The following AGBL4 variants were observed in gnomAD, a reference collection of about 807,000 sequenced individuals.
AGBL4 encodes the protein cytosolic carboxypeptidase 6.
A neutral mutation model predicts 66.4 loss-of-function variants in AGBL4; 58 were observed. The ratio of observed to expected loss-of-function variants is 0.87; its 90% CI spans 0.71 to 1.09. AGBL4 has a LOEUF of 1.09. AGBL4 is among the 50% of genes least tolerant of loss of function. The pLI is 0.00. For missense variants in AGBL4, 579 were observed against 631.0 expected (o/e 0.92, Z 0.88); for synonymous variants, 234 against 222.9 (o/e 1.05, Z -0.44).
intron 3 of AGBL4, among the ~76,000 whole-genome samples, chr1:49,617,736 T>G (rs527575698): frequency 6.6e-6 from 1 of 152,328 alleles, no homozygotes; most frequent in African/African-American, 2.4e-5. Context: ...ATAATGTAGC[T>G]ACAGGTACAG....
intron 5 of AGBL4, among the ~76,000 whole-genome samples, chr1:49,036,776 G>C (rs984970326): frequency 2.0e-5 from 3 of 149,990 alleles, no homozygotes; most frequent in Admixed American, 2.0e-4. Context: ...TGCCCAGGCT[G>C]GTCTTGAACT....
chr1:49,948,330 A>G (rs1248518191), intron 1 of AGBL4, among the ~76,000 whole-genome samples: 1 of 111,416 alleles, frequency 9.0e-6, no homozygotes, highest in Non-Finnish European at 1.7e-5. Flanking sequence ...ATATATAAAC[A>G]TATATAAATA....
chr1:49,556,568 T>C (rs914826664), intron 3 of AGBL4, among the ~76,000 whole-genome samples: 3 of 151,738 alleles, frequency 2.0e-5, no homozygotes, highest in Admixed American at 6.6e-5. Flanking sequence ...AAAGTGCCGA[T>C]TGGTGCATTT....
chr1:49,295,571 C>T (rs1347534011), intron 3 of AGBL4, among the ~76,000 whole-genome samples: 2 of 152,140 alleles, frequency 1.3e-5, no homozygotes, highest in Admixed American at 6.5e-5. Flanking sequence ...AGAAGTAAGA[C>T]TAAACAACCT....
At chr1:49,090,392 C>T (rs987991016) in intron 4 of AGBL4, among the ~76,000 whole-genome samples, 3 of 152,106 alleles carry the variant, frequency 2.0e-5, no homozygotes, top group Non-Finnish European at 2.9e-5. Context: ...AGCAAAGTTT[C>T]GGGATGCAAA....
At chr1:49,507,494 A>AT (rs938635108) in intron 3 of AGBL4, among the ~76,000 whole-genome samples, 32 of 149,930 alleles carry the variant, frequency 2.1e-4, no homozygotes, top group Middle Eastern at 3.4e-3. Context: ...TCAGTTTTTA[A>AT]TTTTTTTTTT....
chr1:48,919,972 C>A (rs987565243), intron 5 of AGBL4, among the ~76,000 whole-genome samples: 1 of 152,048 alleles, frequency 6.6e-6, no homozygotes, highest in African/African-American at 2.4e-5. Flanking sequence ...ATCCATGCTG[C>A]CAGAAAAAAA....
chr1:49,378,894 G>A (rs1030697564), intron 3 of AGBL4, among the ~76,000 whole-genome samples: 1 of 152,062 alleles, frequency 6.6e-6, no homozygotes, highest in Non-Finnish European at 1.5e-5. Flanking sequence ...GTGGTCTGGT[G>A]TGTTACCCAG....
intron 3 of AGBL4, among the ~76,000 whole-genome samples, chr1:49,601,674 C>T (rs1327970611): frequency 6.6e-6 from 1 of 152,004 alleles, no homozygotes; most frequent in African/African-American, 2.4e-5. Context: ...AACTGGACCC[C>T]TTCCCTACAC....
chr1:49,231,290 A>C (rs1650288099), intron 4 of AGBL4, among the ~76,000 whole-genome samples: 1 of 152,204 alleles, frequency 6.6e-6, no homozygotes, highest in Admixed American at 6.5e-5. Context: ...GGGATCAGGA[A>C]GAAAAGGTGA....
intron 1 of AGBL4, among the ~76,000 whole-genome samples, chr1:49,936,537 A>G (rs910355014): frequency 1.3e-5 from 2 of 152,188 alleles, no homozygotes; most frequent in South Asian, 2.1e-4. Context: ...CATAATTGTC[A>G]GATTCACCAA....
intron 3 of AGBL4, among the ~76,000 whole-genome samples, chr1:49,529,742 A>C (rs1460388092): frequency 1.3e-5 from 2 of 152,018 alleles, no homozygotes. Context: ...GTTTAGTTTG[A>C]GGTGTATGTG....
chr1:48,865,292 T>TA, intron 6 of AGBL4, among the ~76,000 whole-genome samples: 1 of 152,304 alleles, frequency 6.6e-6, no homozygotes, highest in Admixed American at 6.5e-5. Context: ...CTAACCTTTC[T>TA]AAGTCATGGC....
chr1:49,824,640 A>T (rs188736046), intron 2 of AGBL4, among the ~76,000 whole-genome samples: 32 of 152,354 alleles, frequency 2.1e-4, no homozygotes, highest in Admixed American at 3.3e-4. Context: ...TTGAAGGATA[A>T]ATGCAAATAA....
chr1:49,516,541 G>C (rs1649841767), intron 3 of AGBL4, among the ~76,000 whole-genome samples: 1 of 151,980 alleles, frequency 6.6e-6, no homozygotes, highest in African/African-American at 2.4e-5. Flanking sequence ...GGCAAGGTGG[G>C]GAAAAGGAAA....
chr1:48,570,597 G>C (rs1390350046), intron 11 of AGBL4, among the ~76,000 whole-genome samples: 1 of 152,126 alleles, frequency 6.6e-6, no homozygotes, highest in South Asian at 2.1e-4. Context: ...GCTGCCATGA[G>C]AATTAAAGAA....
intron 6 of AGBL4, among the ~76,000 whole-genome samples, chr1:48,801,139 C>T (rs1252004273): frequency 6.6e-6 from 1 of 152,162 alleles, no homozygotes; most frequent in East Asian, 1.9e-4. Context: ...TCCCACACAG[C>T]CAGCAAGGCC....
chr1:49,005,434 T>G (rs2148995903), intron 5 of AGBL4, among the ~76,000 whole-genome samples: 1 of 152,322 alleles, frequency 6.6e-6, no homozygotes, highest in South Asian at 2.1e-4. Flanking sequence ...GGACTTGAAT[T>G]ATTATCCTTT....
intron 3 of AGBL4, among the ~76,000 whole-genome samples, chr1:49,340,898 A>G (rs1292684631): frequency 6.6e-6 from 1 of 152,226 alleles, no homozygotes; most frequent in Non-Finnish European, 1.5e-5. Flanking sequence ...TTAGTTTAAC[A>G]ATAAGTTTTG....
Sources: allele counts gnomAD v4.1 joint callset (sites outside exome capture counted in the v4.1 genomes callset), GRCh38; gene constraint gnomAD v4.1.1; transcripts MANE v1.5; gene names NCBI Gene and HGNC (gene_info 2026-07-23, HGNC 2026-07-21).